The following CHERP variants were observed in gnomAD, a reference collection of about 807,000 sequenced individuals.
CHERP encodes the protein ERPROT 213-21.
In CHERP, 8 loss-of-function variants were observed where a neutral mutation model predicts 113.8. The observed-to-expected ratio is 0.07, with a 90% CI of 0.04 to 0.13. CHERP has a LOEUF of 0.13. CHERP is among the 10% of genes least tolerant of loss of function. CHERP has a pLI of 1.00. For synonymous variants in CHERP, 559 were observed against 524.5 expected (o/e 1.07, Z -0.90); for missense variants, 884 against 1,298.2 (o/e 0.68, Z 4.90).
Position 16,530,840 on chromosome 19 carries a change from T to C in CHERP, c.715A>G (p.Lys239Glu). The part of the protein sequence containing the change: ...QARELLAALQ[K>E]VVVPIYCTSF... ...GTGCAGTAGATGGGCACCACGACCTTCTGCAGGGCGGCCAGCAGCTCCCGG... is the reference window on the plus strand; with the variant it reads ...GTGCAGTAGATGGGCACCACGACCTCCTGCAGGGCGGCCAGCAGCTCCCGG... The change falls in exon 6 of 17, where the codon AAG (lysine) becomes GAG (glutamate). Residue 239 changes from lysine to glutamate, a missense_variant. Lys to Glu is a moderately conservative substitution (Grantham distance 56, BLOSUM62 1). Around this residue, in one of 8 missense-constraint regions of CHERP, gnomAD observed 73 missense variants for 182.4 expected, o/e 0.40. Transcript: ENST00000546361. The surrounding 1 kb of genome is among the most constrained non-coding windows in gnomAD (Gnocchi z 4.1). The C allele has an allele frequency of 6.2e-7, 1 of 1,613,708 alleles. No individual in the cohort carries two copies. The highest frequency in any genetic ancestry group is 8.5e-7 in the Non-Finnish European group (1 of 1,179,942).
In CHERP at chr19:16,535,719, GC is replaced by G; in HGVS notation, c.200-84del. On this transcript the variant is annotated intron_variant, in intron 2 of 16. Coordinates refer to ENST00000546361, the MANE Select transcript of CHERP (RefSeq NM_006387.6). This position sits in a 1 kb window ranked among gnomAD's most constrained non-coding sequence, Gnocchi z 4.3. ...CCTTGGCCACCTCTCAGCCACAGGG[GC>G]CTCCCCCTCCCCAGGGACTCACCAT... is the stretch of plus-strand genomic sequence containing the variant. 7.6e-7 allele frequency: 1 copy of G among 1,314,980 alleles called. No homozygotes were observed. The highest frequency in any genetic ancestry group is 1.0e-6 in the Non-Finnish European group (1 of 988,440). The allele number at this position is 1,314,980 out of a possible 1,614,324, so 81.5% of individuals were successfully genotyped here.
At position 16,520,570 on chromosome 19, in the gene CHERP, C is replaced by T. The variant is rs2085602595; in HGVS notation, c.2202-63G>A. 8 of 1,554,502 alleles carry T rather than the reference C, an allele frequency of 5.1e-6. No individual in the cohort carries two copies. Among genetic ancestry groups the T allele is most frequent in the Non-Finnish European group, 7.0e-6 (8 of 1,146,776 alleles). ...ATGGGCTGCACCCAGCCCACCCTGG[C>T]CCTCAGGTTCCTAGACCACCCCAGA... On this transcript the variant is annotated intron_variant, in intron 13 of 16. Transcript: ENST00000546361. This position sits in a 1 kb window ranked among gnomAD's most constrained non-coding sequence, Gnocchi z 4.0.
chr19:16,522,898 C>T (rs896176139), intron 11 of CHERP, among the ~76,000 whole-genome samples, 154 bp downstream of exon 11: 8 of 152,256 alleles, frequency 5.3e-5, no homozygotes, highest in South Asian at 2.1e-4. Flanking sequence ...TACTCCGGTT[C>T]GGCACCTCCC....
At chr19:16,529,477 G>A (rs1340050898) in intron 8 of CHERP, among the ~76,000 whole-genome samples, 171 bp downstream of exon 8, 1 of 152,176 alleles carries the variant, frequency 6.6e-6, no homozygotes, top group African/African-American at 2.4e-5. Context: ...TTTACTCTAG[G>A]ATCACCTGGC....
Position 16,519,887 on chromosome 19 carries a change from C to G in CHERP, c.2463-172G>C. 1 of 683,662 alleles carries G rather than the reference C, an allele frequency of 1.5e-6. No homozygotes were observed. Among genetic ancestry groups the G allele is most frequent in the Non-Finnish European group, 2.5e-6 (1 of 392,262 alleles). 42.3% of individuals were successfully genotyped at this position (683,662 alleles called of 1,614,324 possible). ...ATCCTGTCTCAGCTAGATAAGGGGG[C>G]TCCAGACGCTGGCCCCCACCCCACG... On this transcript the variant is annotated intron_variant, in intron 15 of 16. Coordinates refer to ENST00000546361, the MANE Select transcript of CHERP (RefSeq NM_006387.6). The surrounding 1 kb of genome is among the most constrained non-coding windows in gnomAD (Gnocchi z 6.0).
chr19:16,517,979 T>C lies in CHERP; in HGVS notation c.*1180A>G, dbSNP rs1436397006. On this transcript the variant is annotated 3_prime_UTR_variant, in exon 17 of 17. Coordinates refer to ENST00000546361, the MANE Select transcript of CHERP (RefSeq NM_006387.6). ...GCACGTGTTTACGTTTTATCCTGAATCATACATTTTAACAATTCACAGCTA... is the reference window on the plus strand; with the variant it reads ...GCACGTGTTTACGTTTTATCCTGAACCATACATTTTAACAATTCACAGCTA... 1 of 152,230 alleles carries C rather than the reference T, an allele frequency of 6.6e-6. No homozygotes were observed. Among genetic ancestry groups the C allele is most frequent in the Non-Finnish European group, 1.5e-5 (1 of 68,052 alleles). The allele number at this position is 152,230 out of a possible 1,614,324, so 9.4% of individuals were successfully genotyped here.
At position 16,520,013 on chromosome 19, in the gene CHERP, T is replaced by G. The variant is rs1599744676; in HGVS notation, c.2462+136A>C. On this transcript the variant is annotated intron_variant, in intron 15 of 16. Transcript: ENST00000546361. This position sits in a 1 kb window ranked among gnomAD's most constrained non-coding sequence, Gnocchi z 4.0. ...GCCAAGTGGCTACTGTGGTGAAGGG[T>G]GAGGGGTGCCACTGTCCCCGGGCTA... 1 of 916,030 alleles carries G rather than the reference T, an allele frequency of 1.1e-6. No individual in the cohort carries two copies. The allele number at this position is 916,030 out of a possible 1,614,324, so 56.7% of individuals were successfully genotyped here. A position where few individuals can be genotyped will look rare whatever the true frequency, so the allele number is the denominator to read the frequency against.
intron 11 of CHERP, 128 bp downstream of exon 11, chr19:16,522,924 T>TC (rs2085630074): frequency 9.0e-7 from 1 of 1,105,066 alleles, no homozygotes; most frequent in Non-Finnish European, 1.3e-6. Flanking sequence ...CGGATCAGGG[T>TC]CCCTAGGGAG....
At position 16,519,895 on chromosome 19, in the gene CHERP, G is replaced by A. The variant is rs1043785447; in HGVS notation, c.2463-180C>T. 4.7e-4 allele frequency: 315 copies of A among 673,974 alleles called. 3 individuals carry two copies. The highest frequency in any genetic ancestry group is 2.3e-4 in the African/African-American group (13 of 55,772). 41.7% of individuals were successfully genotyped at this position (673,974 alleles called of 1,614,324 possible). Reference sequence around the variant, plus strand: ...TCAGCTAGATAAGGGGGCTCCAGACGCTGGCCCCCACCCCACGCTCAGCAT... The same window carrying A: ...TCAGCTAGATAAGGGGGCTCCAGACACTGGCCCCCACCCCACGCTCAGCAT... On this transcript the variant is annotated intron_variant, in intron 15 of 16. Coordinates refer to ENST00000546361, the MANE Select transcript of CHERP (RefSeq NM_006387.6). The surrounding 1 kb of genome is among the most constrained non-coding windows in gnomAD (Gnocchi z 6.0).
At chr19:16,531,299 G>A (rs1429152748) in intron 5 of CHERP, among the ~76,000 whole-genome samples, 1 of 152,196 alleles carries the variant, frequency 6.6e-6, no homozygotes, top group African/African-American at 2.4e-5. Context: ...AGGAAACCTC[G>A]GCCCAGGCCA....
At position 16,523,162 on chromosome 19, in the gene CHERP, G is replaced by A; in HGVS notation, c.1870C>T (p.Pro624Ser). ...GGTGGGCCCTGTCGCCGCATGTGTG[G>A]GGGCTGCCCGTTGAAGCCATGGGGG... ...PPPHGFNGQP[P>S]HMRRQGPPHI... Residue 624 changes from proline (P) to serine (S), a missense_variant, in exon 11 of 17, where the codon CCA becomes TCA. Transcript: ENST00000546361. This position sits in a 1 kb window ranked among gnomAD's most constrained non-coding sequence, Gnocchi z 4.0. The A allele has an allele frequency of 6.4e-7, 1 of 1,566,676 alleles. No homozygotes were observed. Among genetic ancestry groups the A allele is most frequent in the South Asian group, 1.2e-5 (1 of 86,504 alleles).
chr19:16,520,161 C>A lies in CHERP; in HGVS notation c.2450G>T (p.Ser817Ile). 6.2e-7 allele frequency: 1 copy of A among 1,610,486 alleles called. No individual in the cohort carries two copies. ...GACAGGATCTTACGGCGGGGTGGGG[C>A]TCCTGGACCGTGACCGGCGTCTTCT... Reference protein sequence around the residue: ...PGRRRRSRSRSPTPPSSAGLG... With the variant: ...PGRRRRSRSRIPTPPSSAGLG... Residue 817 changes from serine to isoleucine, a missense_variant, in exon 15 of 17, where the codon AGC (serine) becomes ATC (isoleucine). By Grantham distance (142) the Ser-to-Ile change is moderately radical (BLOSUM62 -2). Around this residue, in one of 8 missense-constraint regions of CHERP, gnomAD observed 159 missense variants for 185.8 expected, o/e 0.86. Coordinates refer to ENST00000546361, the MANE Select transcript of CHERP (RefSeq NM_006387.6). The surrounding 1 kb of genome is among the most constrained non-coding windows in gnomAD (Gnocchi z 4.0).
rs2085693495 is a variant in CHERP at position 16,530,534 on chromosome 19, G to A, written c.876+51C>T. The stretch of plus-strand genomic sequence containing the variant: ...GTCCCCACACTCCCAAACCCTCCTG[G>A]GGAACCCGCCCCAGCTCTAGGGTGA... On this transcript the variant is annotated intron_variant, in intron 7 of 16. Coordinates refer to ENST00000546361, the MANE Select transcript of CHERP (RefSeq NM_006387.6). This position sits in a 1 kb window ranked among gnomAD's most constrained non-coding sequence, Gnocchi z 4.1. The A allele has an allele frequency of 6.4e-7, 1 of 1,572,428 alleles. No homozygotes were observed. The highest frequency in any genetic ancestry group is 8.7e-7 in the Non-Finnish European group (1 of 1,143,234).
At chr19:16,534,967 T>G (rs1280133678) in intron 3 of CHERP, among the ~76,000 whole-genome samples, 1 of 151,858 alleles carries the variant, frequency 6.6e-6, no homozygotes, top group Non-Finnish European at 1.5e-5. Context: ...TCTCAGCTAC[T>G]CCAGAGGCTG....
At chr19:16,527,954 T>C in intron 9 of CHERP, 126 bp downstream of exon 9, 1 of 967,310 alleles carries the variant, frequency 1.0e-6, no homozygotes. Flanking sequence ...CAGCATAAGC[T>C]CTGCCACAGA....
At chr19:16,538,145 C>G (rs921704825) in intron 2 of CHERP, among the ~76,000 whole-genome samples, 1 of 152,194 alleles carries the variant, frequency 6.6e-6, no homozygotes, top group Admixed American at 6.5e-5. Flanking sequence ...CCTCTCCAAG[C>G]CAGGTCCCCG....
chr19:16,526,256 G>C (rs2085657211), intron 9 of CHERP: 1 of 152,636 alleles, frequency 6.6e-6, no homozygotes, highest in South Asian at 2.1e-4. Context: ...TCCCTCATCA[G>C]CTTCTGCTCT....
chr19:16,527,233 C>A (rs565253941), intron 9 of CHERP, among the ~76,000 whole-genome samples: 2 of 152,276 alleles, frequency 1.3e-5, no homozygotes, highest in East Asian at 1.9e-4. Context: ...CAAGAACTGC[C>A]CCCCCCAGCA....
Position 16,523,807 on chromosome 19 carries a change from T to TG in CHERP, c.1742-518dup, listed in dbSNP as rs1047218949. ...ACCTGAACCCGCCACACCTCCACCT[T>TG]GGACCTCCAGCCCCCAGATCCTTAA... On this transcript the variant is annotated intron_variant, in intron 10 of 16. Transcript: ENST00000546361. This position sits in a 1 kb window ranked among gnomAD's most constrained non-coding sequence, Gnocchi z 4.0. 1.3e-5 allele frequency among the ~76,000 whole-genome samples: 2 copies of TG among 152,208 alleles called. No homozygotes were observed. The highest frequency in any genetic ancestry group is 4.8e-5 in the African/African-American group (2 of 41,448).
Sources: allele counts gnomAD v4.1 joint callset (sites outside exome capture counted in the v4.1 genomes callset), GRCh38; gene constraint gnomAD v4.1.1; regional missense constraint gnomAD v4.1.1; non-coding constraint Gnocchi (gnomAD v3.1); transcripts MANE v1.5; gene names NCBI Gene and HGNC (gene_info 2026-07-23, HGNC 2026-07-21).